The following SLC5A12 variants were observed in gnomAD, a reference collection of about 807,000 sequenced individuals.
SLC5A12 encodes sodium-coupled monocarboxylate transporter 2.
SLC5A12 carries 46 observed loss-of-function variants against 72.7 expected under a neutral mutation model. The observed-to-expected ratio is 0.63, with a 90% CI of 0.50 to 0.81. The LOEUF (loss-of-function observed/expected upper bound fraction) is 0.81, where lower values mean the gene tolerates loss of function less well. Ranked by LOEUF, SLC5A12 falls within the 30% of genes least tolerant of loss-of-function variation. The probability of loss-of-function intolerance (pLI) is 0.00; values close to 1 mark genes in which losing one functional copy is unlikely to be tolerated. For synonymous variants in SLC5A12, 275 were observed against 264.4 expected, an observed-to-expected ratio of 1.04 and a Z score of -0.39; for missense variants, 683 against 740.7, an observed-to-expected ratio of 0.92 and a Z score of 0.90.
intron 1 of SLC5A12, among the ~76,000 whole-genome samples, chr11:26,718,599 C>G (rs557817749): frequency 1.3e-5 from 2 of 151,086 alleles, no homozygotes; most frequent in African/African-American, 4.9e-5. Flanking sequence ...ATTACATGTG[C>G]GCCACCATGC....
intron 10 of SLC5A12, among the ~76,000 whole-genome samples, chr11:26,684,269 T>G (rs921575735): frequency 4.6e-5 from 7 of 152,118 alleles, no homozygotes; most frequent in African/African-American, 1.7e-4. Context: ...AGTCAATGCC[T>G]CAGATATATT....
At chr11:26,692,336 T>C (rs1854700410) in intron 9 of SLC5A12, 153 bp downstream of exon 9, 1 of 613,796 alleles carries the variant, frequency 1.6e-6, no homozygotes, top group Admixed American at 2.7e-5. Context: ...TGCTGGATCT[T>C]TGGAAGTGTA....
intron 13 of SLC5A12, among the ~76,000 whole-genome samples, chr11:26,676,182 CTGA>C (rs1388745726): frequency 6.6e-6 from 1 of 152,060 alleles, no homozygotes; most frequent in Non-Finnish European, 1.5e-5. Context: ...GTAAATTTCT[CTGA>C]TGAGATTAAT....
chr11:26,719,866 T>C (rs1333043355), intron 1 of SLC5A12, among the ~76,000 whole-genome samples: 3 of 152,198 alleles, frequency 2.0e-5, no homozygotes, highest in Non-Finnish European at 4.4e-5. Flanking sequence ...TTATTTAGCA[T>C]ATGATATCTA....
intron 4 of SLC5A12, among the ~76,000 whole-genome samples, chr11:26,707,490 A>G (rs902606939): frequency 1.3e-5 from 2 of 151,438 alleles, no homozygotes; most frequent in African/African-American, 2.4e-5. Flanking sequence ...CTCCATTTCT[A>G]TTTCACTTTT....
chr11:26,714,147 G>C (rs1210033512), intron 1 of SLC5A12, among the ~76,000 whole-genome samples: 1 of 151,738 alleles, frequency 6.6e-6, no homozygotes, highest in African/African-American at 2.4e-5. Flanking sequence ...AGCTCTCAGG[G>C]ATTACACCTG....
intron 6 of SLC5A12, 60 bp downstream of exon 6, chr11:26,703,471 A>C: frequency 6.5e-7 from 1 of 1,543,872 alleles, no homozygotes; most frequent in East Asian, 2.2e-5. Context: ...GTATTAATAT[A>C]TAATAAGTAC....
At chr11:26,704,590 G>A (rs546282963) in intron 4 of SLC5A12, among the ~76,000 whole-genome samples, 5 of 152,288 alleles carry the variant, frequency 3.3e-5, no homozygotes, top group African/African-American at 1.2e-4. Context: ...TGGTGATTGT[G>A]TGGAGAATCA....
chr11:26,709,537 G>A (rs1160950584), intron 3 of SLC5A12, among the ~76,000 whole-genome samples, 158 bp from the exon 4 acceptor site: 1 of 152,042 alleles, frequency 6.6e-6, no homozygotes, highest in African/African-American at 2.4e-5. Flanking sequence ...TCACCTTCGA[G>A]AAAGATTATT....
intron 1 of SLC5A12, among the ~76,000 whole-genome samples, chr11:26,719,624 T>A (rs1855431531): frequency 6.6e-6 from 1 of 152,156 alleles, no homozygotes; most frequent in African/African-American, 2.4e-5. Flanking sequence ...ACACTCCTTT[T>A]CTAGGGCCTT....
At chr11:26,698,802 A>G (rs186386382) in intron 6 of SLC5A12, among the ~76,000 whole-genome samples, 1 of 152,288 alleles carries the variant, frequency 6.6e-6, no homozygotes, top group East Asian at 1.9e-4. Context: ...CAAAACCTTG[A>G]TATGTGTGGT....
chr11:26,705,968 ACACACACAC>A (rs1855079131), intron 4 of SLC5A12, among the ~76,000 whole-genome samples: 1 of 130,950 alleles, frequency 7.6e-6, no homozygotes, highest in Non-Finnish European at 1.5e-5. Flanking sequence ...ACACACACAC[ACACACACAC>A]ACTTACCTTC....
intron 6 of SLC5A12, among the ~76,000 whole-genome samples, chr11:26,698,742 A>T (rs1854889088): frequency 6.6e-6 from 1 of 152,102 alleles, no homozygotes; most frequent in Non-Finnish European, 1.5e-5. Flanking sequence ...TACCAAATTT[A>T]AATAAAGTAA....
intron 11 of SLC5A12, among the ~76,000 whole-genome samples, chr11:26,681,566 A>G (rs773406179): frequency 2.6e-5 from 4 of 152,160 alleles, no homozygotes; most frequent in Non-Finnish European, 5.9e-5. Context: ...AAGTTAAGGA[A>G]AACTTCAAAT....
intron 10 of SLC5A12, among the ~76,000 whole-genome samples, chr11:26,685,783 CTG>C (rs1407875062): frequency 2.0e-5 from 3 of 152,148 alleles, no homozygotes; most frequent in African/African-American, 7.2e-5. Flanking sequence ...TTTCCACTAA[CTG>C]TGAGAACTTG....
intron 4 of SLC5A12, among the ~76,000 whole-genome samples, chr11:26,706,007 T>C (rs1328648041): frequency 6.6e-6 from 1 of 151,326 alleles, no homozygotes; most frequent in Non-Finnish European, 1.5e-5. Context: ...GAGGGTACCT[T>C]GTGTGTCACC....
chr11:26,705,904 C>G (rs544636089), intron 4 of SLC5A12, among the ~76,000 whole-genome samples: 1 of 148,860 alleles, frequency 6.7e-6, no homozygotes, highest in Non-Finnish European at 1.5e-5. Context: ...TACAGCGAGT[C>G]CTCACCTCTT....
At chr11:26,677,283 A>G (rs1854288127) in intron 13 of SLC5A12, among the ~76,000 whole-genome samples, 1 of 152,224 alleles carries the variant, frequency 6.6e-6, no homozygotes, top group Non-Finnish European at 1.5e-5. Flanking sequence ...TTAATACTGG[A>G]AGAGTTATTC....
intron 3 of SLC5A12, 28 bp from the exon 4 acceptor site, chr11:26,709,407 G>T (rs1433683294): frequency 3.8e-6 from 6 of 1,564,786 alleles, no homozygotes; most frequent in Middle Eastern, 1.7e-4. Context: ...AATATTAAAA[G>T]AAGTTTCCTT....
Sources: gnomAD v4.1 joint callset for allele counts (sites outside exome capture counted in the v4.1 genomes callset) on GRCh38, gnomAD v4.1.1 for gene constraint, MANE v1.5 for transcripts, NCBI Gene and HGNC (gene_info 2026-07-23, HGNC 2026-07-21) for gene names.